Variants in ENTREP2 observed in about 807,000 individuals in gnomAD.
ENTREP2 encodes endosomal transmembrane epsin interactor 2.
the ENTREP2 span, among the ~76,000 whole-genome samples, chr15:29,637,198 A>AC: frequency 6.6e-6 from 1 of 152,192 alleles, no homozygotes; most frequent in Non-Finnish European, 1.5e-5. Flanking sequence ...TGTCCTTGAG[A>AC]AAGCCAGCCC....
the ENTREP2 span, chr15:29,376,023 T>C: frequency 3.3e-5 from 5 of 152,162 alleles, no homozygotes; most frequent in African/African-American, 1.2e-4. Context: ...ACTAAACACA[T>C]TATTGGATCT....
chr15:29,308,797 A>G, the ENTREP2 span, among the ~76,000 whole-genome samples: 4 of 152,232 alleles, frequency 2.6e-5, no homozygotes, highest in Non-Finnish European at 4.4e-5. Flanking sequence ...AGAGGCAAGA[A>G]GGACATTCTA....
the ENTREP2 span, among the ~76,000 whole-genome samples, chr15:29,127,805 C>T: frequency 6.6e-6 from 1 of 152,170 alleles, no homozygotes; most frequent in Non-Finnish European, 1.5e-5. Context: ...GTAGCACCAG[C>T]CCCCTTCAGC....
the ENTREP2 span, among the ~76,000 whole-genome samples, chr15:29,219,620 T>TAA: frequency 1.4e-4 from 2 of 14,354 alleles, no homozygotes; most frequent in Non-Finnish European, 3.2e-4. Flanking sequence ...CATAAATATA[T>TAA]ATATATATAT....
chr15:29,495,325 C>T, the ENTREP2 span, among the ~76,000 whole-genome samples: 3 of 152,142 alleles, frequency 2.0e-5, no homozygotes, highest in Non-Finnish European at 2.9e-5. Context: ...TACTTGTTGC[C>T]ATTTGTATGT....
At chr15:29,601,427 C>G in the ENTREP2 span, among the ~76,000 whole-genome samples, 1 of 149,394 alleles carries the variant, frequency 6.7e-6, no homozygotes, top group Non-Finnish European at 1.5e-5. Flanking sequence ...GTTTCCCCAC[C>G]ACCACCTTTT....
the ENTREP2 span, among the ~76,000 whole-genome samples, chr15:29,664,625 C>A: frequency 3.8e-4 from 58 of 152,142 alleles, no homozygotes; most frequent in African/African-American, 1.3e-3. Context: ...CCCACTGACT[C>A]GGACCCGCAT....
At chr15:29,216,943 G>C in the ENTREP2 span, among the ~76,000 whole-genome samples, 1 of 152,170 alleles carries the variant, frequency 6.6e-6, no homozygotes, top group Non-Finnish European at 1.5e-5. Flanking sequence ...GAGAGGGATT[G>C]ACGCTCCAAA....
At chr15:29,341,699 T>G in the ENTREP2 span, among the ~76,000 whole-genome samples, 89 of 152,118 alleles carry the variant, frequency 5.9e-4, no homozygotes, top group African/African-American at 2.1e-3. Flanking sequence ...AGTGAAGTAC[T>G]CCCGGGTCTT....
chr15:29,292,146 A>C, the ENTREP2 span, among the ~76,000 whole-genome samples: 2,902 of 152,242 alleles, frequency 0.019, 38 homozygotes, highest in Middle Eastern at 0.031. Flanking sequence ...ACTGACACTT[A>C]CTGCAACTTT....
At chr15:29,297,796 G>C in the ENTREP2 span, among the ~76,000 whole-genome samples, 1 of 152,156 alleles carries the variant, frequency 6.6e-6, no homozygotes, top group Non-Finnish European at 1.5e-5. Flanking sequence ...GGGTCTACAG[G>C]TGAAATGCTT....
At chr15:29,243,457 T>C in the ENTREP2 span, among the ~76,000 whole-genome samples, 1 of 152,112 alleles carries the variant, frequency 6.6e-6, no homozygotes, top group East Asian at 1.9e-4. Flanking sequence ...TGGAACTAAG[T>C]CCACAAGAGC....
chr15:29,494,168 G>C, the ENTREP2 span, among the ~76,000 whole-genome samples: 5,236 of 150,936 alleles, frequency 0.035, 285 homozygotes, highest in African/African-American at 0.12. Flanking sequence ...CATATACAAA[G>C]TATCAGACCT....
the ENTREP2 span, among the ~76,000 whole-genome samples, chr15:29,478,277 T>C: frequency 3.3e-5 from 5 of 151,868 alleles, no homozygotes; most frequent in Non-Finnish European, 7.4e-5. Context: ...TCCGCCTGCC[T>C]TGGCCTCCCA....
the ENTREP2 span, among the ~76,000 whole-genome samples, chr15:29,405,159 C>T: frequency 6.6e-6 from 1 of 152,108 alleles, no homozygotes; most frequent in Non-Finnish European, 1.5e-5. Flanking sequence ...GAGGCCGAGG[C>T]GGGCAGATCA....
chr15:29,126,416 G>A, the ENTREP2 span: 1 of 1,549,620 alleles, frequency 6.5e-7, no homozygotes, highest in Non-Finnish European at 8.7e-7. Context: ...GGCGCCCACA[G>A]GGCCATCGGG....
At chr15:29,608,549 AT>A in the ENTREP2 span, among the ~76,000 whole-genome samples, 270 of 133,012 alleles carry the variant, frequency 2.0e-3, no homozygotes, top group African/African-American at 6.7e-3. Context: ...TATTATTATT[AT>A]TTATTTATTA....
chr15:29,291,582 C>G, the ENTREP2 span, among the ~76,000 whole-genome samples: 1 of 152,180 alleles, frequency 6.6e-6, no homozygotes, highest in Non-Finnish European at 1.5e-5. Flanking sequence ...CCACCCTGGA[C>G]CCCCAGCTCT....
the ENTREP2 span, among the ~76,000 whole-genome samples, chr15:29,334,493 T>C: frequency 6.6e-6 from 1 of 152,220 alleles, no homozygotes; most frequent in Non-Finnish European, 1.5e-5. Context: ...AGTTCGAGGA[T>C]TCTAAGGGCT....
Sources: gnomAD v4.1 joint callset for allele counts (sites outside exome capture counted in the v4.1 genomes callset) on GRCh38, gnomAD v4.1.1 for gene constraint, MANE v1.5 for transcripts, NCBI Gene and HGNC (gene_info 2026-07-23, HGNC 2026-07-21) for gene names.